The following EHMT1 variants were observed in gnomAD, a reference collection of about 807,000 sequenced individuals.
The protein encoded by EHMT1 is histone-lysine N-methyltransferase EHMT1.
Under a neutral mutation model 147.2 loss-of-function variants are expected in EHMT1, and 15 were observed. That is an observed-to-expected ratio of 0.10 (90% CI 0.07 to 0.16). The LOEUF (loss-of-function observed/expected upper bound fraction) is 0.16, where lower values mean the gene tolerates loss of function less well. Among genes scored for constraint, EHMT1 ranks in the 10% least tolerant of loss-of-function variants. The pLI is 1.00. For missense variants in EHMT1, 1,587 were observed against 1,772.4 expected (o/e 0.90, Z 1.88); for synonymous variants, 795 against 709.6 (o/e 1.12, Z -1.91).
At chr9:137,709,107 G>A (rs958602462) in intron 1 of EHMT1, among the ~76,000 whole-genome samples, 7 of 152,222 alleles carry the variant, frequency 4.6e-5, no homozygotes, top group Non-Finnish European at 1.0e-4. Context: ...TGACACCACC[G>A]CTTGGGCACC....
intron 1 of EHMT1, among the ~76,000 whole-genome samples, chr9:137,622,388 A>G (rs1842990968): frequency 6.6e-6 from 1 of 151,956 alleles, no homozygotes; most frequent in South Asian, 2.1e-4. Context: ...CTAAAGTGCT[A>G]GGATTACAGG....
Position 137,820,797 on chromosome 9 carries a change from C to G in EHMT1, c.3540+2659C>G, listed in dbSNP as rs1359263157. 3.3e-5 allele frequency among the ~76,000 whole-genome samples: 5 copies of G among 152,244 alleles called. No homozygotes were observed. In the East Asian group the frequency reaches 5.8e-4, roughly 18 times the overall value. On this transcript the variant is annotated intron_variant, in intron 25 of 26. Transcript: ENST00000460843. ...CTCGTCCTATCAATCAGTCTGCTGACTGTTCTTGGCCTGGGCTGTGTTACC... is the reference window on the plus strand; with the variant it reads ...CTCGTCCTATCAATCAGTCTGCTGAGTGTTCTTGGCCTGGGCTGTGTTACC...
chr9:137,834,555 CGCT>C (rs955531573), intron 26 of EHMT1, 31 bp downstream of exon 26: 12 of 1,607,690 alleles, frequency 7.5e-6, no homozygotes, highest in Admixed American at 1.7e-5. Flanking sequence ...TGGCCATCTC[CGCT>C]GCCGGCGGGA....
At chr9:137,763,039 G>T (rs927751311) in intron 10 of EHMT1, 4 of 640,238 alleles carry the variant, frequency 6.2e-6, no homozygotes, top group Non-Finnish European at 1.1e-5. Flanking sequence ...GGACTGTGTA[G>T]ACAAAGTCTT....
chr9:137,792,163 TAC>T (rs1952575725), intron 16 of EHMT1: 2 of 464,324 alleles, frequency 4.3e-6, no homozygotes, highest in Non-Finnish European at 8.9e-6. Flanking sequence ...TTTCAAAACT[TAC>T]TATATACGGC....
At chr9:137,640,375 C>T (rs915047443) in intron 1 of EHMT1, among the ~76,000 whole-genome samples, 4 of 152,212 alleles carry the variant, frequency 2.6e-5, no homozygotes, top group Admixed American at 1.3e-4. Flanking sequence ...ACCCTGGGCT[C>T]AAGCAGTCCT....
chr9:137,798,276 C>G (rs1488219761), intron 16 of EHMT1, among the ~76,000 whole-genome samples: 5 of 152,268 alleles, frequency 3.3e-5, no homozygotes, highest in Admixed American at 3.3e-4. Flanking sequence ...GTGGTGCACA[C>G]CTGTAGTCCC....
intron 1 of EHMT1, among the ~76,000 whole-genome samples, chr9:137,680,202 G>A (rs1006084151): frequency 9.2e-5 from 14 of 152,176 alleles, no homozygotes; most frequent in East Asian, 5.8e-4. Flanking sequence ...GACCAGGTGC[G>A]GTGGCTCACA....
intron 1 of EHMT1, among the ~76,000 whole-genome samples, chr9:137,647,780 A>G (rs1225473550): frequency 4.6e-5 from 7 of 151,940 alleles, no homozygotes; most frequent in Non-Finnish European, 8.8e-5. Flanking sequence ...TATTTTTAGT[A>G]GAGACGGGGT....
intron 21 of EHMT1, chr9:137,814,208 CT>C (rs1405777451): frequency 1.6e-6 from 1 of 634,960 alleles, no homozygotes; most frequent in South Asian, 1.8e-5. Context: ...TGCCTGCCCC[CT>C]GTCCCTCTGT....
intron 9 of EHMT1, among the ~76,000 whole-genome samples, chr9:137,758,924 G>C (rs956134572): frequency 6.6e-6 from 1 of 152,004 alleles, no homozygotes; most frequent in Non-Finnish European, 1.5e-5. Flanking sequence ...TCAGGAGATC[G>C]AGACCATCCT....
intron 10 of EHMT1, among the ~76,000 whole-genome samples, chr9:137,766,234 A>T (rs758450231): frequency 2.0e-5 from 3 of 152,138 alleles, no homozygotes; most frequent in Admixed American, 6.5e-5. Context: ...CTTAACACCT[A>T]CATTTGTTGT....
At chr9:137,796,702 T>TAAAAAAA (rs1952974557) in intron 16 of EHMT1, among the ~76,000 whole-genome samples, 1 of 15,304 alleles carries the variant, frequency 6.5e-5, no homozygotes. Flanking sequence ...AGACTCCATC[T>TAAAAAAA]CAAAAAAAAA....
intron 1 of EHMT1, among the ~76,000 whole-genome samples, chr9:137,685,802 C>T (rs1235790769): frequency 2.6e-5 from 4 of 152,234 alleles, no homozygotes; most frequent in Admixed American, 2.6e-4. Context: ...TTTTGACTTA[C>T]ATTTCTGCAA....
intron 1 of EHMT1, among the ~76,000 whole-genome samples, chr9:137,659,560 T>TA (rs1422822625): frequency 6.6e-6 from 1 of 151,362 alleles, no homozygotes; most frequent in Non-Finnish European, 1.5e-5. Flanking sequence ...TAAAAAATTT[T>TA]TTTTTTTTTT....
chr9:137,827,787 G>A (rs1955913916), intron 25 of EHMT1, among the ~76,000 whole-genome samples: 1 of 117,196 alleles, frequency 8.5e-6, no homozygotes, highest in African/African-American at 3.3e-5. Context: ...TTAGGCCTTT[G>A]TTCAAATCTC....
At chr9:137,672,620 G>T (rs909623580) in intron 1 of EHMT1, among the ~76,000 whole-genome samples, 2 of 152,254 alleles carry the variant, frequency 1.3e-5, no homozygotes, top group Non-Finnish European at 2.9e-5. Context: ...CAAAGCGCCT[G>T]GCGCAGTACT....
At chr9:137,688,897 C>T (rs1942690126) in intron 1 of EHMT1, among the ~76,000 whole-genome samples, 1 of 152,146 alleles carries the variant, frequency 6.6e-6, no homozygotes, top group Non-Finnish European at 1.5e-5. Context: ...GTGACCTCTT[C>T]TGAGCTCTGA....
chr9:137,635,744 T>A (rs867575548), intron 1 of EHMT1, among the ~76,000 whole-genome samples: 1 of 150,496 alleles, frequency 6.6e-6, no homozygotes, highest in Non-Finnish European at 1.5e-5. Context: ...GGCATGAACC[T>A]GGGAGGCGGA....
Sources: gnomAD v4.1 joint callset for allele counts (sites outside exome capture counted in the v4.1 genomes callset) on GRCh38, gnomAD v4.1.1 for gene constraint, MANE v1.5 for transcripts, NCBI Gene and HGNC (gene_info 2026-07-23, HGNC 2026-07-21) for gene names.